Variants in GAB2 observed in about 807,000 individuals in gnomAD.
GAB2 encodes the protein GRB2-associated-binding protein 2.
In GAB2, 26 loss-of-function variants were observed where a neutral mutation model predicts 65.5. The ratio of observed to expected loss-of-function variants is 0.40; its 90% CI spans 0.29 to 0.55. The LOEUF (loss-of-function observed/expected upper bound fraction) is 0.55, where lower values mean the gene tolerates loss of function less well. Ranked by LOEUF, GAB2 falls within the 20% of genes least tolerant of loss-of-function variation. GAB2 has a pLI of 0.53. For synonymous variants in GAB2, 321 were observed against 329.6 expected, an observed-to-expected ratio of 0.97 and a Z score of 0.28; for missense variants, 884 against 875.8, an observed-to-expected ratio of 1.01 and a Z score of -0.12.
At chr11:78,261,484 T>C (rs2134546074) in intron 2 of GAB2, among the ~76,000 whole-genome samples, 1 of 152,334 alleles carries the variant, frequency 6.6e-6, no homozygotes, top group Non-Finnish European at 1.5e-5. Context: ...TGTGTATTTC[T>C]GTTTGGGGAT....
chr11:78,268,665 GGGTTTTGGCA>G (rs1032598767), intron 2 of GAB2, among the ~76,000 whole-genome samples: 8 of 151,716 alleles, frequency 5.3e-5, no homozygotes, highest in Admixed American at 3.9e-4. Context: ...AACAGTCTTT[GGGTTTTGGCA>G]GGTAACACTA....
chr11:78,227,031 C>G lies in GAB2; in HGVS notation c.641G>C (p.Gly214Ala). 1 of 1,610,984 alleles carries G rather than the reference C, an allele frequency of 6.2e-7. No individual in the cohort carries two copies. ...CCTCATGAGAAAAGAGGCTCTGGTG[C>G]CCTGAGAGAAGCTGGCACTCCTAAA... ...ENARSASFSQGTRASFLMRSD... is the reference protein window; with the variant it reads ...ENARSASFSQATRASFLMRSD... The change falls in exon 4 of 10, where the codon GGC (glycine) becomes GCC (alanine). Residue 214 changes from glycine to alanine, a missense_variant. Coordinates refer to ENST00000361507, the MANE Select transcript of GAB2 (RefSeq NM_080491.3).
At chr11:78,371,919 T>A (rs1341011132) in intron 1 of GAB2, among the ~76,000 whole-genome samples, 1 of 152,228 alleles carries the variant, frequency 6.6e-6, no homozygotes, top group East Asian at 1.9e-4. Context: ...GCAAGTGACA[T>A]AGACCCTCTA....
intron 1 of GAB2, among the ~76,000 whole-genome samples, chr11:78,414,109 GAAGA>G (rs985054998): frequency 2.1e-5 from 3 of 145,280 alleles, no homozygotes; most frequent in Non-Finnish European, 4.5e-5. Context: ...AAAAAAAAAG[GAAGA>G]AAGAAAGGAA....
At chr11:78,253,884 C>T (rs976618535) in intron 2 of GAB2, among the ~76,000 whole-genome samples, 4 of 152,180 alleles carry the variant, frequency 2.6e-5, no homozygotes, top group Admixed American at 6.5e-5. Context: ...AGAATAAAGT[C>T]GAGTTTCCTC....
chr11:78,336,071 TGGGAGGCGGA>T (rs976654858), intron 1 of GAB2, among the ~76,000 whole-genome samples: 25 of 152,014 alleles, frequency 1.6e-4, no homozygotes, highest in African/African-American at 3.4e-4. Context: ...CCCAGTACTT[TGGGAGGCGGA>T]GGGAGGCGGA....
At chr11:78,232,462 C>T (rs1864872842) in intron 3 of GAB2, among the ~76,000 whole-genome samples, 2 of 152,214 alleles carry the variant, frequency 1.3e-5, no homozygotes, top group African/African-American at 4.8e-5. Flanking sequence ...GTGAAACCAA[C>T]TTGTCTTCAA....
chr11:78,376,800 T>C (rs1253630269), intron 1 of GAB2, among the ~76,000 whole-genome samples: 4 of 152,024 alleles, frequency 2.6e-5, no homozygotes, highest in Non-Finnish European at 5.9e-5. Flanking sequence ...ATAGACTAGG[T>C]GACTTAAACA....
intron 5 of GAB2, 104 bp from the exon 6 acceptor site, chr11:78,223,780 G>T: frequency 1.0e-6 from 1 of 978,006 alleles, no homozygotes; most frequent in Non-Finnish European, 1.5e-6. Context: ...GACTGGGTTA[G>T]CTATACTTTG....
intron 3 of GAB2, among the ~76,000 whole-genome samples, chr11:78,246,283 T>C (rs1190824702): frequency 2.0e-5 from 3 of 152,188 alleles, no homozygotes; most frequent in Non-Finnish European, 2.9e-5. Flanking sequence ...CTTTATTACA[T>C]GGAATGTTGT....
Position 78,226,614 on chromosome 11 carries a change from G to C in GAB2, c.1058C>G (p.Pro353Arg). 6.2e-7 allele frequency: 1 copy of C among 1,600,456 alleles called. No homozygotes were observed. Among genetic ancestry groups the C allele is most frequent in the East Asian group, 2.2e-5 (1 of 44,750 alleles). ...TPGDSAIAPPPRPPKPSQAET... is the reference protein window; with the variant it reads ...TPGDSAIAPPRRPPKPSQAET... ...TGCCTGACTTGGCTTGGGGGGGCGG[G>C]GTGGGGGAGCTATGGCTGAGTCCCC... The change falls in exon 4 of 10, where the codon CCC (proline) becomes CGC (arginine). Residue 353 changes from proline to arginine, a missense_variant. By Grantham distance (103) the Pro-to-Arg change is moderately radical. Coordinates refer to ENST00000361507, the MANE Select transcript of GAB2 (RefSeq NM_080491.3).
At chr11:78,360,966 C>T (rs546746630) in intron 1 of GAB2, among the ~76,000 whole-genome samples, 84 of 152,246 alleles carry the variant, frequency 5.5e-4, no homozygotes, top group African/African-American at 2.0e-3. Flanking sequence ...GCAGAGGACA[C>T]TATTACAACC....
chr11:78,345,539 T>G (rs922920242), intron 1 of GAB2, among the ~76,000 whole-genome samples: 53 of 152,318 alleles, frequency 3.5e-4, no homozygotes, highest in African/African-American at 1.2e-3. Flanking sequence ...TGTAATTCAT[T>G]AAATATTCAA....
intron 1 of GAB2, among the ~76,000 whole-genome samples, chr11:78,340,155 C>T (rs1052887540): frequency 1.3e-5 from 2 of 152,166 alleles, no homozygotes; most frequent in Non-Finnish European, 2.9e-5. Flanking sequence ...TTACCAAGCT[C>T]GGTTTTCCTA....
chr11:78,402,904 T>C (rs1052876763), intron 1 of GAB2, among the ~76,000 whole-genome samples: 1 of 152,152 alleles, frequency 6.6e-6, no homozygotes, highest in South Asian at 2.1e-4. Context: ...TATTAGGAGG[T>C]GGGTCCTTTG....
intron 1 of GAB2, chr11:78,341,647 G>T: frequency 5.0e-6 from 2 of 397,580 alleles, no homozygotes; most frequent in Non-Finnish European, 6.8e-6. Context: ...ATTTCACTTT[G>T]GTTACACCTA....
At chr11:78,287,150 C>CA (rs1326569464) in intron 1 of GAB2, among the ~76,000 whole-genome samples, 2 of 152,052 alleles carry the variant, frequency 1.3e-5, no homozygotes, top group East Asian at 3.8e-4. Flanking sequence ...TCTTTCAATG[C>CA]AAAAAATATT....
intron 2 of GAB2, among the ~76,000 whole-genome samples, chr11:78,259,797 A>G (rs1271923791): frequency 6.6e-6 from 1 of 152,208 alleles, no homozygotes; most frequent in Non-Finnish European, 1.5e-5. Context: ...AGACTTGTCC[A>G]AGGCCACACA....
At chr11:78,409,747 T>C (rs1021404174) in intron 1 of GAB2, among the ~76,000 whole-genome samples, 3 of 152,292 alleles carry the variant, frequency 2.0e-5, no homozygotes, top group East Asian at 3.9e-4. Context: ...AAAAGAATTA[T>C]ATATATCACT....
Sources: gnomAD v4.1 joint callset for allele counts (sites outside exome capture counted in the v4.1 genomes callset) on GRCh38, gnomAD v4.1.1 for gene constraint, MANE v1.5 for transcripts, NCBI Gene and HGNC (gene_info 2026-07-23, HGNC 2026-07-21) for gene names.